The following MBNL2 variants were observed in gnomAD, a reference collection of about 807,000 sequenced individuals.
The protein encoded by MBNL2 is muscleblind like splicing regulator 2, also known as muscleblind-like protein 2.
A neutral mutation model predicts 41.9 loss-of-function variants in MBNL2; 17 were observed. The ratio of observed to expected loss-of-function variants is 0.41; its 90% CI spans 0.28 to 0.61. The LOEUF (loss-of-function observed/expected upper bound fraction) is 0.61. Among genes scored for constraint, MBNL2 ranks in the 20% least tolerant of loss-of-function variants. The probability of loss-of-function intolerance (pLI) is 0.35; values close to 1 mark genes in which losing one functional copy is unlikely to be tolerated. For missense variants in MBNL2, 336 were observed against 505.6 expected, an observed-to-expected ratio of 0.66 and a Z score of 3.22; for synonymous variants, 195 against 182.9, an observed-to-expected ratio of 1.07 and a Z score of -0.53.
intron 2 of MBNL2, among the ~76,000 whole-genome samples, chr13:97,305,370 AT>A (rs1331291253): frequency 6.6e-6 from 1 of 152,228 alleles, no homozygotes; most frequent in Non-Finnish European, 1.5e-5. Flanking sequence ...GTATCAGATG[AT>A]ATGAGCAAAT....
At chr13:97,387,230 C>T (rs1223840682) in intron 8 of MBNL2, among the ~76,000 whole-genome samples, 2 of 152,062 alleles carry the variant, frequency 1.3e-5, no homozygotes, top group Non-Finnish European at 2.9e-5. Context: ...TCTTTGATTT[C>T]TTTCCTACCG....
At chr13:97,351,726 C>T (rs1425041126) in intron 5 of MBNL2, among the ~76,000 whole-genome samples, 1 of 152,124 alleles carries the variant, frequency 6.6e-6, no homozygotes, top group Admixed American at 6.5e-5. Context: ...CAGGACCTTG[C>T]TCTAAATTAG....
intron 1 of MBNL2, among the ~76,000 whole-genome samples, chr13:97,246,694 A>G (rs2045541633): frequency 6.6e-6 from 1 of 152,162 alleles, no homozygotes; most frequent in Non-Finnish European, 1.5e-5. Flanking sequence ...GAGGCATTTT[A>G]TTAATTTCTC....
intron 1 of MBNL2, among the ~76,000 whole-genome samples, chr13:97,258,876 G>C (rs2048057601): frequency 6.6e-6 from 1 of 152,188 alleles, no homozygotes; most frequent in Non-Finnish European, 1.5e-5. Flanking sequence ...CCAGAGGAAG[G>C]CCTGCTCTCT....
intron 1 of MBNL2, among the ~76,000 whole-genome samples, chr13:97,263,033 C>T (rs1026362441): frequency 2.6e-5 from 4 of 152,104 alleles, no homozygotes; most frequent in Admixed American, 6.5e-5. Context: ...GTGATCCACT[C>T]GCCTCGGCCT....
At chr13:97,260,220 G>A (rs991361356) in intron 1 of MBNL2, among the ~76,000 whole-genome samples, 9 of 152,168 alleles carry the variant, frequency 5.9e-5, no homozygotes, top group African/African-American at 1.2e-4. Flanking sequence ...AGGGAACAGC[G>A]AGGTCAAAGC....
chr13:97,300,563 C>T (rs75111309), intron 2 of MBNL2, among the ~76,000 whole-genome samples: 10,981 of 152,166 alleles, frequency 0.072, 606 homozygotes, highest in African/African-American at 0.15. Flanking sequence ...GGAGCTCAGG[C>T]GGTAATGCTT....
In MBNL2 at chr13:97,270,922, T is replaced by C. The variant is rs542810125; in HGVS notation, c.-604-4710T>C. Among the ~76,000 whole-genome samples the C allele has an allele frequency of 1.7e-3, 258 of 152,264 alleles. 1 individual carries two copies. The highest frequency in any genetic ancestry group is 5.6e-3 in the African/African-American group (232 of 41,544). On this transcript the variant is annotated intron_variant, in intron 1 of 8. Coordinates refer to ENST00000679496, the MANE Select transcript of MBNL2 (RefSeq NM_001382683.1). ...ACCCACTCCTTGGTACAGGTGCCTATGCTAACAGTAGCCGTATAGCTTTTT... is the reference window on the plus strand; with the variant it reads ...ACCCACTCCTTGGTACAGGTGCCTACGCTAACAGTAGCCGTATAGCTTTTT...
At chr13:97,292,374 G>C (rs1349586622) in intron 2 of MBNL2, among the ~76,000 whole-genome samples, 1 of 152,144 alleles carries the variant, frequency 6.6e-6, no homozygotes, top group Non-Finnish European at 1.5e-5. Flanking sequence ...AGCTTGGGGA[G>C]AACTCGGTTT....
intron 2 of MBNL2, among the ~76,000 whole-genome samples, chr13:97,306,680 AAT>A (rs1702151696): frequency 6.6e-6 from 1 of 152,228 alleles, no homozygotes; most frequent in African/African-American, 2.4e-5. Flanking sequence ...CAAAGAAGCA[AAT>A]ACTTCCAGAA....
chr13:97,267,034 T>C (rs1457314098), intron 1 of MBNL2, among the ~76,000 whole-genome samples: 1 of 152,192 alleles, frequency 6.6e-6, no homozygotes, highest in Non-Finnish European at 1.5e-5. Flanking sequence ...CTTAAGGTGG[T>C]CTGAAATTTT....
the MBNL2 span, among the ~76,000 whole-genome samples, chr13:97,146,917 C>T: frequency 4.6e-5 from 7 of 152,206 alleles, no homozygotes; most frequent in African/African-American, 7.2e-5. Flanking sequence ...TTGGATCTGT[C>T]TGTGAATGGC....
chr13:97,193,608 G>A, the MBNL2 span, among the ~76,000 whole-genome samples: 1 of 152,130 alleles, frequency 6.6e-6, no homozygotes, highest in Non-Finnish European at 1.5e-5. Flanking sequence ...GGATTTTGTG[G>A]GGATTAAACG....
intron 2 of MBNL2, among the ~76,000 whole-genome samples, chr13:97,325,396 A>G (rs2153047279): frequency 6.6e-6 from 1 of 152,320 alleles, no homozygotes; most frequent in Middle Eastern, 3.4e-3. Flanking sequence ...CACAAGTAGT[A>G]TGAGAAATTG....
At chr13:97,351,841 T>C (rs569428093) in intron 5 of MBNL2, among the ~76,000 whole-genome samples, 2 of 152,130 alleles carry the variant, frequency 1.3e-5, no homozygotes, top group African/African-American at 2.4e-5. Flanking sequence ...CTGGCCAACA[T>C]GGTGAAACCC....
At chr13:97,153,413 C>G in the MBNL2 span, among the ~76,000 whole-genome samples, 1 of 151,826 alleles carries the variant, frequency 6.6e-6, no homozygotes, top group Non-Finnish European at 1.5e-5. Context: ...TAAGAAGAAA[C>G]AGTGTAAGCA....
chr13:97,260,597 T>C (rs531764833), intron 1 of MBNL2, among the ~76,000 whole-genome samples: 2 of 152,290 alleles, frequency 1.3e-5, no homozygotes, highest in Admixed American at 6.5e-5. Context: ...GTTAGGAATG[T>C]GGATCCAGAG....
At chr13:97,156,398 A>G in the MBNL2 span, among the ~76,000 whole-genome samples, 1 of 146,714 alleles carries the variant, frequency 6.8e-6, no homozygotes, top group East Asian at 2.0e-4. Flanking sequence ...TCTTTAGTTT[A>G]ATTAGATCCC....
intron 2 of MBNL2, among the ~76,000 whole-genome samples, chr13:97,329,627 T>TACACATAC: frequency 4.3e-3 from 1 of 230 alleles, no homozygotes; most frequent in Non-Finnish European, 7.8e-3. Flanking sequence ...ACACACACAC[T>TACACATAC]AGACACACAA....
Sources: allele counts gnomAD v4.1 joint callset (sites outside exome capture counted in the v4.1 genomes callset), GRCh38; gene constraint gnomAD v4.1.1; transcripts MANE v1.5; gene names NCBI Gene and HGNC (gene_info 2026-07-23, HGNC 2026-07-21).